The following PRLR variants were observed in gnomAD, a reference collection of about 807,000 sequenced individuals.
PRLR encodes prolactin receptor, also known as hPRL receptor.
Under a neutral mutation model 40.2 loss-of-function variants are expected in PRLR, and 13 were observed. That is an observed-to-expected ratio of 0.32 (90% CI 0.21 to 0.51). The LOEUF is 0.51. PRLR is among the 20% of genes least tolerant of loss of function. PRLR has a pLI of 0.97. For missense variants in PRLR, 656 were observed against 747.3 expected (o/e 0.88, Z 1.42); for synonymous variants, 269 against 278.7 (o/e 0.97, Z 0.35).
chr5:35,128,663 C>G (rs1370666754), intron 1 of PRLR, among the ~76,000 whole-genome samples: 2 of 152,014 alleles, frequency 1.3e-5, no homozygotes, highest in African/African-American at 2.4e-5. Context: ...AAATACAAGC[C>G]TATTATTTCC....
At chr5:35,212,162 G>A (rs1776185727) in intron 1 of PRLR, among the ~76,000 whole-genome samples, 1 of 152,158 alleles carries the variant, frequency 6.6e-6, no homozygotes, top group African/African-American at 2.4e-5. Context: ...CTCTTCGTAG[G>A]TATACAATTG....
chr5:35,190,349 A>G (rs6886978), intron 1 of PRLR, among the ~76,000 whole-genome samples: 8,968 of 152,238 alleles, frequency 0.059, 432 homozygotes, highest in African/African-American at 0.12. Context: ...TCACACCTGT[A>G]ATCCCAGCAC....
In PRLR at chr5:35,193,993, C is replaced by T. The variant is rs78009043; in HGVS notation, c.-106+36275G>A. On this transcript the variant is annotated intron_variant, in intron 1 of 9. Transcript: ENST00000618457. ...TCTGGTTCTGTCCACGGAGCATCTC[C>T]CAAGCCAGGCAGAGATGGTGGCAAA... is the stretch of plus-strand genomic sequence containing the variant. Among the ~76,000 whole-genome samples the T allele has an allele frequency of 4.9e-3, 752 of 152,226 alleles. 7 individuals are homozygous for T. Among genetic ancestry groups the T allele is most frequent in the African/African-American group, 0.017 (710 of 41,550 alleles).
At chr5:35,142,236 C>T (rs1422695225) in intron 1 of PRLR, among the ~76,000 whole-genome samples, 1 of 152,248 alleles carries the variant, frequency 6.6e-6, no homozygotes, top group East Asian at 1.9e-4. Flanking sequence ...TGTTTGATGC[C>T]TAGGTTGAAC....
At chr5:35,161,220 C>A (rs1267440544) in intron 1 of PRLR, among the ~76,000 whole-genome samples, 2 of 152,216 alleles carry the variant, frequency 1.3e-5, no homozygotes, top group East Asian at 3.9e-4. Flanking sequence ...GTCATCCTGG[C>A]TTCATTCCCA....
At chr5:35,177,412 T>G (rs373943023) in intron 1 of PRLR, among the ~76,000 whole-genome samples, 69 of 152,276 alleles carry the variant, frequency 4.5e-4, no homozygotes, top group African/African-American at 1.6e-3. Context: ...CAATCAATTT[T>G]AAAACATTTT....
At chr5:35,137,569 A>T (rs1773897690) in intron 1 of PRLR, among the ~76,000 whole-genome samples, 1 of 152,216 alleles carries the variant, frequency 6.6e-6, no homozygotes, top group South Asian at 2.1e-4. Context: ...TTTCAGAATA[A>T]TCTCCTTTAA....
At chr5:35,203,016 G>A (rs901455927) in intron 1 of PRLR, among the ~76,000 whole-genome samples, 1 of 152,148 alleles carries the variant, frequency 6.6e-6, no homozygotes, top group Non-Finnish European at 1.5e-5. Context: ...TCTTAGACAG[G>A]TTGTAAATCC....
At chr5:35,198,575 A>G (rs1775798425) in intron 1 of PRLR, among the ~76,000 whole-genome samples, 1 of 152,216 alleles carries the variant, frequency 6.6e-6, no homozygotes, top group African/African-American at 2.4e-5. Context: ...TCGCTCTGCT[A>G]TTTAGCAAAC....
intron 1 of PRLR, among the ~76,000 whole-genome samples, chr5:35,197,873 C>T (rs1235431602): frequency 6.6e-6 from 1 of 152,256 alleles, no homozygotes; most frequent in East Asian, 1.9e-4. Context: ...GAGGGCATGC[C>T]TTGGACATGC....
intron 1 of PRLR, among the ~76,000 whole-genome samples, chr5:35,225,214 T>C (rs1776519654): frequency 6.6e-6 from 1 of 152,192 alleles, no homozygotes; most frequent in African/African-American, 2.4e-5. Context: ...TTTGAAAGCC[T>C]CTTGAGATTT....
chr5:35,130,993 C>T (rs73767526), intron 1 of PRLR, among the ~76,000 whole-genome samples: 11,283 of 152,108 alleles, frequency 0.074, 1,413 homozygotes, highest in African/African-American at 0.26. Flanking sequence ...TCAGAGGGAG[C>T]ATGGCCCTGC....
intron 1 of PRLR, among the ~76,000 whole-genome samples, chr5:35,207,675 T>G (rs542172106): frequency 3.9e-5 from 6 of 151,930 alleles, no homozygotes; most frequent in Middle Eastern, 3.4e-3. Flanking sequence ...AAATATTTAC[T>G]GACAGCAACT....
chr5:35,182,096 A>T (rs943548093), intron 1 of PRLR, among the ~76,000 whole-genome samples: 5 of 152,158 alleles, frequency 3.3e-5, no homozygotes, highest in Admixed American at 3.3e-4. Flanking sequence ...CTCTGACCAG[A>T]TCAGTACTTA....
At chr5:35,173,950 T>A (rs1203338425) in intron 1 of PRLR, among the ~76,000 whole-genome samples, 1 of 152,166 alleles carries the variant, frequency 6.6e-6, no homozygotes, top group Non-Finnish European at 1.5e-5. Flanking sequence ...ATCATTTACA[T>A]TAGGTATATC....
At chr5:35,167,170 T>TATC (rs1774861942) in intron 1 of PRLR, among the ~76,000 whole-genome samples, 1 of 151,408 alleles carries the variant, frequency 6.6e-6, no homozygotes, top group Non-Finnish European at 1.5e-5. Flanking sequence ...TCTATCTATC[T>TATC]ATCTATCTAT....
chr5:35,168,688 T>C (rs1774913649), intron 1 of PRLR, among the ~76,000 whole-genome samples: 1 of 152,130 alleles, frequency 6.6e-6, no homozygotes, highest in Non-Finnish European at 1.5e-5. Flanking sequence ...AAAGGAGCAA[T>C]GAATAGGCTG....
intron 1 of PRLR, among the ~76,000 whole-genome samples, chr5:35,223,646 T>C (rs192724091): frequency 6.6e-6 from 1 of 152,362 alleles, no homozygotes; most frequent in Admixed American, 6.5e-5. Context: ...TTTCTTAATA[T>C]ACCTTAGAGG....
chr5:35,075,303 A>G (rs1459744686), intron 5 of PRLR, among the ~76,000 whole-genome samples: 1 of 152,210 alleles, frequency 6.6e-6, no homozygotes, highest in Admixed American at 6.5e-5. Context: ...GGAAGCCATG[A>G]CAGATGGTAC....
Sources: gnomAD v4.1 joint callset for allele counts (sites outside exome capture counted in the v4.1 genomes callset) on GRCh38, gnomAD v4.1.1 for gene constraint, MANE v1.5 for transcripts, NCBI Gene and HGNC (gene_info 2026-07-23, HGNC 2026-07-21) for gene names.